Variants in SAMD5 observed in about 807,000 individuals in gnomAD.
SAMD5 encodes sterile alpha motif domain-containing protein 5.
Under a neutral mutation model 11.3 loss-of-function variants are expected in SAMD5, and 13 were observed. That is an observed-to-expected ratio of 1.15 (90% CI 0.75 to 1.83). SAMD5 has a LOEUF of 1.83. Ranked by LOEUF, SAMD5 falls within the 40% of genes most tolerant of loss-of-function variation. The probability of loss-of-function intolerance (pLI) is 0.00; values close to 1 mark genes in which losing one functional copy is unlikely to be tolerated. For missense variants in SAMD5, 255 were observed against 239.1 expected (o/e 1.07, Z -0.44); for synonymous variants, 129 against 111.3 (o/e 1.16, Z -1.00).
chr6:147,850,185 T>A, the SAMD5 span, among the ~76,000 whole-genome samples: 1 of 152,226 alleles, frequency 6.6e-6, no homozygotes, highest in African/African-American at 2.4e-5. Context: ...TAGCAAGTGT[T>A]ATGGTCTTTG....
At chr6:147,751,303 A>G in the SAMD5 span, among the ~76,000 whole-genome samples, 65 of 152,250 alleles carry the variant, frequency 4.3e-4, no homozygotes, top group African/African-American at 1.5e-3. Context: ...TCACCCGTTT[A>G]ACATGTTATA....
chr6:147,953,023 A>G, the SAMD5 span, among the ~76,000 whole-genome samples: 1 of 152,064 alleles, frequency 6.6e-6, no homozygotes, highest in Admixed American at 6.6e-5. Flanking sequence ...TCCTTCATAT[A>G]GTATTCTTTT....
intron 1 of SAMD5, among the ~76,000 whole-genome samples, chr6:147,635,666 G>A (rs1281508944): frequency 6.6e-6 from 1 of 152,206 alleles, no homozygotes; most frequent in Admixed American, 6.5e-5. Flanking sequence ...TGGAATAATA[G>A]GAGACATCAT....
the SAMD5 span, among the ~76,000 whole-genome samples, chr6:147,850,947 C>CTTT: frequency 0.013 from 1,669 of 133,416 alleles, 28 homozygotes; most frequent in South Asian, 0.029. Context: ...TATAATTGTT[C>CTTT]TTTTTTTTTT....
chr6:147,571,417 A>ATT (rs58006364), downstream of SAMD5, among the ~76,000 whole-genome samples: 2 of 151,474 alleles, frequency 1.3e-5, no homozygotes, highest in South Asian at 2.1e-4. Flanking sequence ...CCCACTGAGG[A>ATT]TTTTTTTTTA....
intron 1 of SAMD5, among the ~76,000 whole-genome samples, chr6:147,559,122 G>A (rs1264301488): frequency 6.6e-6 from 1 of 152,262 alleles, no homozygotes; most frequent in Non-Finnish European, 1.5e-5. Flanking sequence ...GATAAGGCAC[G>A]GCCCTGACTC....
intron 1 of SAMD5, among the ~76,000 whole-genome samples, chr6:147,662,576 C>A (rs1214193036): frequency 6.6e-6 from 1 of 152,278 alleles, no homozygotes; most frequent in African/African-American, 2.4e-5. Context: ...TAAATGAAAT[C>A]CCCCTGGAAA....
chr6:147,938,016 G>T, the SAMD5 span, among the ~76,000 whole-genome samples: 2 of 152,194 alleles, frequency 1.3e-5, no homozygotes, highest in Non-Finnish European at 2.9e-5. Context: ...ACAAATAATA[G>T]TAGAGCTTCC....
At chr6:147,860,685 C>T in the SAMD5 span, among the ~76,000 whole-genome samples, 3 of 152,144 alleles carry the variant, frequency 2.0e-5, no homozygotes, top group African/African-American at 4.8e-5. Flanking sequence ...GGGCTAGATA[C>T]GAGAAGCTTG....
Position 147,509,372 on chromosome 6 carries a change from C to A in SAMD5, c.444C>A (p.Pro148=). 1 of 1,559,420 alleles carries A rather than the reference C, an allele frequency of 6.4e-7. No homozygotes were observed. Among genetic ancestry groups the A allele is most frequent in the Non-Finnish European group, 8.7e-7 (1 of 1,154,186 alleles). The change falls in exon 1 of 2, where the codon CCC becomes CCA. Residue 148 remains proline (P), a synonymous_variant. Coordinates refer to ENST00000367474, the MANE Select transcript of SAMD5 (RefSeq NM_001030060.3). The stretch of plus-strand genomic sequence containing the variant: ...GTGACGGCATCCACCTGAGCAAGCC[C>A]CCGTACTCCCGCAAGGTAAGGAGGT... The part of the protein sequence containing the change: ...LVRDGIHLSK[P]PYSRKVPMAG...
intron 1 of SAMD5, among the ~76,000 whole-genome samples, chr6:147,542,324 G>A (rs1162753606): frequency 1.3e-5 from 2 of 152,268 alleles, no homozygotes; most frequent in South Asian, 2.1e-4. Flanking sequence ...TCCCGGACAA[G>A]CCCCCAAATT....
chr6:147,938,272 T>A, the SAMD5 span, among the ~76,000 whole-genome samples: 1 of 137,006 alleles, frequency 7.3e-6, no homozygotes, highest in East Asian at 2.3e-4. Flanking sequence ...TGTTTAATAC[T>A]TTCATTAAAA....
At chr6:147,685,947 T>C (rs578217730) in intron 1 of SAMD5, among the ~76,000 whole-genome samples, 2 of 152,208 alleles carry the variant, frequency 1.3e-5, no homozygotes, top group Non-Finnish European at 2.9e-5. Flanking sequence ...GTGGAAAAGA[T>C]ACCAGCAAAG....
intron 1 of SAMD5, among the ~76,000 whole-genome samples, chr6:147,720,331 C>T (rs918446604): frequency 6.6e-6 from 1 of 152,090 alleles, no homozygotes; most frequent in Non-Finnish European, 1.5e-5. Context: ...GGCGCGATGG[C>T]GGGCTCCTGT....
At chr6:147,717,775 G>A (rs543597649) in intron 1 of SAMD5, among the ~76,000 whole-genome samples, 1 of 152,216 alleles carries the variant, frequency 6.6e-6, no homozygotes, top group Non-Finnish European at 1.5e-5. Flanking sequence ...CCTGGGAGGT[G>A]GAGGTTGCAG....
intron 1 of SAMD5, among the ~76,000 whole-genome samples, chr6:147,515,821 T>C (rs528538436): frequency 2.8e-4 from 43 of 152,260 alleles, no homozygotes; most frequent in African/African-American, 9.9e-4. Context: ...TGCACTTGAG[T>C]TTATTTCAAA....
At chr6:147,555,673 A>T (rs1448773019) in intron 1 of SAMD5, among the ~76,000 whole-genome samples, 1 of 152,212 alleles carries the variant, frequency 6.6e-6, no homozygotes, top group African/African-American at 2.4e-5. Flanking sequence ...ATACCATAAA[A>T]TCATGTATGG....
chr6:147,929,152 A>G, the SAMD5 span, among the ~76,000 whole-genome samples: 1 of 152,194 alleles, frequency 6.6e-6, no homozygotes, highest in Admixed American at 6.6e-5. Flanking sequence ...TGGTTCCAAA[A>G]TACTTACTTT....
chr6:147,764,609 C>T, the SAMD5 span, among the ~76,000 whole-genome samples: 2 of 152,230 alleles, frequency 1.3e-5, no homozygotes, highest in South Asian at 4.1e-4. Flanking sequence ...GAAGTCATTA[C>T]GTCTGGAAGT....
Sources: allele counts gnomAD v4.1 joint callset (sites outside exome capture counted in the v4.1 genomes callset), GRCh38; gene constraint gnomAD v4.1.1; transcripts MANE v1.5; gene names NCBI Gene and HGNC (gene_info 2026-07-23, HGNC 2026-07-21).